The following UBALD1 variants were observed in gnomAD, a reference collection of about 807,000 sequenced individuals.
UBALD1 encodes the protein UBA-like domain-containing protein 1.
A neutral mutation model predicts 16.1 loss-of-function variants in UBALD1; 5 were observed. The observed-to-expected ratio is 0.31, with a 90% CI of 0.16 to 0.66. The LOEUF (loss-of-function observed/expected upper bound fraction) is 0.66. Among genes scored for constraint, UBALD1 ranks in the 30% least tolerant of loss-of-function variants. UBALD1 has a pLI of 0.77. For missense variants in UBALD1, 220 were observed against 252.8 expected (o/e 0.87, Z 0.88); for synonymous variants, 146 against 105.3 (o/e 1.39, Z -2.37).
rs538053819 is a variant in UBALD1, at chr16:4,609,992, G to A, written c.184-9C>T. 3 of 1,565,534 alleles carry A rather than the reference G, an allele frequency of 1.9e-6. No homozygotes were observed. Among genetic ancestry groups the A allele is most frequent in the Admixed American group, 1.8e-5 (1 of 55,438 alleles). On this transcript the variant is annotated splice_polypyrimidine_tract_variant and intron_variant, in intron 2 of 2. Transcript: ENST00000283474. Reference sequence around the variant, plus strand: ...TTGGCGGGGGTGCACATCTGTGAGGGGAAGAGAGGAGAGATGGGGTGAGCA... The same window carrying A: ...TTGGCGGGGGTGCACATCTGTGAGGAGAAGAGAGGAGAGATGGGGTGAGCA...
Position 4,614,851 on chromosome 16 carries a change from C to G in UBALD1, c.-54G>C. 1 of 1,432,900 alleles carries G rather than the reference C, an allele frequency of 7.0e-7. No individual in the cohort carries two copies. The highest frequency in any genetic ancestry group is 9.2e-7 in the Non-Finnish European group (1 of 1,088,460). 88.8% of individuals were successfully genotyped at this position (1,432,900 alleles called of 1,614,324 possible). On this transcript the variant is annotated 5_prime_UTR_variant, in exon 1 of 3. The change abolishes the stop of an existing upstream ORF in the 5' untranslated region. Transcript: ENST00000283474. ...CCCTCCTCCGCCCGCGCCTCCGCCT[C>G]ACGCGTCCACCATTAGCGAGCCGGC... is the stretch of plus-strand genomic sequence containing the variant.
In UBALD1 at chr16:4,614,738, C is replaced by A. The variant is rs1897404645; in HGVS notation, c.60G>T (p.Thr20=). The part of the protein sequence containing the change: ...HQVMINQFVL[T]AGCAADQAKQ... ...TCGCCTGGTCGGCCGCGCAGCCCGC[C>A]GTCAGCACGAACTGGTTGATCATGA... Residue 20 remains threonine (T), a synonymous_variant, in exon 1 of 3, where the codon ACG becomes ACT. Transcript: ENST00000283474. 3 of 1,561,278 alleles carry A rather than the reference C, an allele frequency of 1.9e-6. No homozygotes were observed. In the East Asian group the frequency reaches 7.9e-5, roughly 41 times the overall value.
intron 1 of UBALD1, among the ~76,000 whole-genome samples, chr16:4,613,738 C>G (rs1355483682): frequency 6.6e-6 from 1 of 152,162 alleles, no homozygotes; most frequent in African/African-American, 2.4e-5. Flanking sequence ...TTAGGGAAAG[C>G]CAGGTAGCCT....
chr16:4,610,058 T>C (rs1897339277), intron 2 of UBALD1, 75 bp from the exon 3 acceptor site: 1 of 1,154,534 alleles, frequency 8.7e-7, no homozygotes, highest in African/African-American at 1.5e-5. Context: ...CAAGGGGAGA[T>C]GCGTGGCTGG....
rs368025235 is a variant in UBALD1 at position 4,610,606 on chromosome 16, C to T, written c.121-51G>A. ...CCCTCCAGGCCCCCGCCGGCCCTGC[C>T]GCTGCCCTTGTTCCCAGGCTCCTCT... is the stretch of plus-strand genomic sequence containing the variant. On this transcript the variant is annotated intron_variant, in intron 1 of 2. Coordinates refer to ENST00000283474, the MANE Select transcript of UBALD1 (RefSeq NM_145253.3). 402 of 1,575,662 alleles carry T rather than the reference C, an allele frequency of 2.6e-4. 1 individual carries two copies. In the Middle Eastern group the frequency reaches 2.9e-3, roughly 11 times the overall value.
intron 1 of UBALD1, 53 bp downstream of exon 1, chr16:4,614,625 G>T (rs553471814): frequency 1.5e-6 from 2 of 1,336,230 alleles, no homozygotes; most frequent in African/African-American, 3.1e-5. Context: ...GCGGCCACGC[G>T]GGACACACTC....
At chr16:4,614,311 T>TTC in intron 1 of UBALD1, 1 of 360,290 alleles carries the variant, frequency 2.8e-6, no homozygotes, top group Admixed American at 4.7e-5. Context: ...CCGGCCCAGC[T>TTC]CTGCCGAGGC....
Position 4,609,465 on chromosome 16 carries a change from C to A in UBALD1, c.*168G>T, listed in dbSNP as rs1431855146. ...CCATGACCTTGCGTGTGGGCAGCTG[C>A]GTGTTCTGGCACCAGACGTGTCCCT... On this transcript the variant is annotated 3_prime_UTR_variant, in exon 3 of 3. Coordinates refer to ENST00000283474, the MANE Select transcript of UBALD1 (RefSeq NM_145253.3). 3 of 410,464 alleles carry A rather than the reference C, an allele frequency of 7.3e-6. No homozygotes were observed. The highest frequency in any genetic ancestry group is 2.0e-5 in the African/African-American group (1 of 48,822). The allele number at this position is 410,464 out of a possible 1,614,324, so 25.4% of individuals were successfully genotyped here.
intron 1 of UBALD1, chr16:4,614,323 T>TG: frequency 2.7e-6 from 1 of 364,268 alleles, no homozygotes; most frequent in Non-Finnish European, 4.9e-6. Flanking sequence ...TGCCGAGGCC[T>TG]GGGGCGTCCT....
chr16:4,614,494 T>C (rs1038954603), intron 1 of UBALD1, 184 bp downstream of exon 1: 1 of 1,066,920 alleles, frequency 9.4e-7, no homozygotes. Flanking sequence ...GGTTCCCACC[T>C]CCGCCCGCCG....
rs114726412 is a variant in UBALD1 at position 4,611,920 on chromosome 16, G to A, written c.121-1365C>T. Among the ~76,000 whole-genome samples, 1,289 of 152,204 alleles carry A rather than the reference G, an allele frequency of 8.5e-3. 23 individuals are homozygous for A. The highest frequency in any genetic ancestry group is 0.029 in the African/African-American group (1,224 of 41,528). ...CAGACTTGGAGCTTCAAGCCGCCGA[G>A]GTGCCCCTACCGCCACCCCTCAGGC... On this transcript the variant is annotated intron_variant, in intron 1 of 2. Transcript: ENST00000283474.
At chr16:4,612,190 A>G (rs947856285) in intron 1 of UBALD1, among the ~76,000 whole-genome samples, 4 of 150,950 alleles carry the variant, frequency 2.6e-5, no homozygotes, top group Admixed American at 6.6e-5. Context: ...CAGCCTCCCG[A>G]GTAGCTGGGA....
At position 4,609,591 on chromosome 16, in the gene UBALD1, C is replaced by T; in HGVS notation, c.*42G>A. 1.1e-6 allele frequency: 1 copy of T among 918,546 alleles called. No homozygotes were observed. The highest frequency in any genetic ancestry group is 2.8e-5 in the South Asian group (1 of 35,650). The allele number at this position is 918,546 out of a possible 1,614,324, so 56.9% of individuals were successfully genotyped here. ...GCCCGCAGAGACGTCCTCTCCCCCG[C>T]CCCACGGGGTCCTGGCCTCCGGGAG... is the stretch of plus-strand genomic sequence containing the variant. On this transcript the variant is annotated 3_prime_UTR_variant, in exon 3 of 3. Coordinates refer to ENST00000283474, the MANE Select transcript of UBALD1 (RefSeq NM_145253.3).
intron 1 of UBALD1, chr16:4,611,620 A>G: frequency 6.5e-6 from 1 of 153,256 alleles, no homozygotes; most frequent in Non-Finnish European, 1.5e-5. Context: ...GAAGACAGAG[A>G]TGGGGGCGCT....
At chr16:4,614,391 C>T (rs1190970650) in intron 1 of UBALD1, 1 of 370,470 alleles carries the variant, frequency 2.7e-6, no homozygotes, top group African/African-American at 2.3e-5. Flanking sequence ...GGCCCTCGGC[C>T]GTTACCCGGA....
At chr16:4,612,734 G>A (rs1204960020) in intron 1 of UBALD1, among the ~76,000 whole-genome samples, 2 of 152,134 alleles carry the variant, frequency 1.3e-5, no homozygotes, top group African/African-American at 4.8e-5. Flanking sequence ...CGGGTGGAGC[G>A]TGGAGAGGGA....
chr16:4,610,009 G>A (rs180916700), intron 2 of UBALD1, 26 bp from the exon 3 acceptor site: 1 of 1,524,688 alleles, frequency 6.6e-7, no homozygotes, highest in Non-Finnish European at 9.0e-7. Context: ...AGGAGAGATG[G>A]GGTGAGCACC....
At chr16:4,613,518 G>A (rs917448639) in intron 1 of UBALD1, among the ~76,000 whole-genome samples, 12 of 152,222 alleles carry the variant, frequency 7.9e-5, no homozygotes, top group Non-Finnish European at 1.3e-4. Flanking sequence ...CCCAGGAAGC[G>A]GAGCCTCAGA....
chr16:4,609,239 A>C lies in UBALD1; in HGVS notation c.*394T>G. 1 of 178,676 alleles carries C rather than the reference A, an allele frequency of 5.6e-6. No homozygotes were observed. The highest frequency in any genetic ancestry group is 1.2e-5 in the Non-Finnish European group (1 of 85,868). 11.1% of individuals were successfully genotyped at this position (178,676 alleles called of 1,614,324 possible). ...CATGCGGAGAGGCTCTGCATTCCCT[A>C]GGGTGGGGGTCGAGGCCTGCCGGCC... On this transcript the variant is annotated 3_prime_UTR_variant, in exon 3 of 3. Coordinates refer to ENST00000283474, the MANE Select transcript of UBALD1 (RefSeq NM_145253.3).
Sources: gnomAD v4.1 joint callset for allele counts (sites outside exome capture counted in the v4.1 genomes callset) on GRCh38, gnomAD v4.1.1 for gene constraint, MANE v1.5 for transcripts, NCBI Gene and HGNC (gene_info 2026-07-23, HGNC 2026-07-21) for gene names.